The following TDRD10 variants were observed in gnomAD, a reference collection of about 807,000 sequenced individuals.
TDRD10 encodes the protein tudor domain-containing protein 10.
In TDRD10, 40 loss-of-function variants were observed where a neutral mutation model predicts 48.0. The ratio of observed to expected loss-of-function variants is 0.83; its 90% CI spans 0.65 to 1.09. The LOEUF is 1.09. Among genes scored for constraint, TDRD10 ranks in the 50% least tolerant of loss-of-function variants. TDRD10 has a pLI of 0.00. For missense variants in TDRD10, 378 were observed against 434.7 expected (o/e 0.87, Z 1.16); for synonymous variants, 162 against 170.4 (o/e 0.95, Z 0.38).
chr1:154,511,032 C>T (rs184419947), intron 4 of TDRD10, among the ~76,000 whole-genome samples: 138 of 150,852 alleles, frequency 9.1e-4, no homozygotes, highest in Non-Finnish European at 1.7e-3. Flanking sequence ...GGAGATAGAG[C>T]GAGACCCTGT....
At chr1:154,510,485 G>C (rs1377735992) in intron 4 of TDRD10, among the ~76,000 whole-genome samples, 1 of 151,884 alleles carries the variant, frequency 6.6e-6, no homozygotes, top group Non-Finnish European at 1.5e-5. Context: ...CCAGCTACTC[G>C]GGAGGCTGAG....
chr1:154,514,781 G>A (rs372235651), intron 4 of TDRD10, among the ~76,000 whole-genome samples: 2 of 151,978 alleles, frequency 1.3e-5, no homozygotes, highest in Admixed American at 6.6e-5. Flanking sequence ...TCGACCTCCC[G>A]GGCCCAAGCA....
intron 3 of TDRD10, among the ~76,000 whole-genome samples, chr1:154,507,704 T>C (rs1693224755): frequency 6.6e-6 from 1 of 152,336 alleles, no homozygotes; most frequent in Admixed American, 6.5e-5. Context: ...ACTGCTGTGG[T>C]ACAGCCTTTC....
intron 6 of TDRD10, among the ~76,000 whole-genome samples, chr1:154,538,808 G>A (rs952605731): frequency 6.6e-6 from 1 of 151,812 alleles, no homozygotes; most frequent in East Asian, 1.9e-4. Context: ...AGCCTAGATT[G>A]CATCACTGCA....
intron 4 of TDRD10, among the ~76,000 whole-genome samples, chr1:154,514,190 A>AAAAAT (rs934358994): frequency 2.6e-5 from 4 of 152,212 alleles, no homozygotes; most frequent in Non-Finnish European, 5.9e-5. Flanking sequence ...ACTCTGTCTC[A>AAAAAT]AAAATAAAAT....
intron 3 of TDRD10, among the ~76,000 whole-genome samples, chr1:154,507,536 C>T (rs1693213983): frequency 7.0e-6 from 1 of 143,120 alleles, no homozygotes; most frequent in East Asian, 2.0e-4. Context: ...CTGGTGCACC[C>T]GCTGCTCCTA....
At chr1:154,523,634 C>T (rs1694168646) in intron 6 of TDRD10, among the ~76,000 whole-genome samples, 1 of 152,140 alleles carries the variant, frequency 6.6e-6, no homozygotes, top group African/African-American at 2.4e-5. Flanking sequence ...TCTCTTTGTT[C>T]TCTCATTTCC....
rs138741336 is a variant in TDRD10 at position 154,518,754 on chromosome 1, G to A, written c.142-1550G>A. On this transcript the variant is annotated intron_variant, in intron 4 of 12. Transcript: ENST00000368482. ...CCACATAGTAAGTACTTCATGCGTT[G>A]AAGGCCACTGTAGCCTGAAAGCAGC... Among the ~76,000 whole-genome samples, 346 of 152,298 alleles carry A rather than the reference G, an allele frequency of 2.3e-3. 1 individual carries two copies. The highest frequency in any genetic ancestry group is 4.0e-3 in the Admixed American group (61 of 15,298).
chr1:154,503,018 C>T lies in TDRD10; in HGVS notation c.-39C>T, dbSNP rs1692885265. 2.0e-5 allele frequency: 3 copies of T among 152,232 alleles called. No homozygotes were observed. The highest frequency in any genetic ancestry group is 4.4e-5 in the Non-Finnish European group (3 of 68,054). The allele number at this position is 152,232 out of a possible 1,614,324, so 9.4% of individuals were successfully genotyped here. A position where few individuals can be genotyped will look rare whatever the true frequency, so the allele number is the denominator to read the frequency against. On this transcript the variant is annotated 5_prime_UTR_variant, in exon 1 of 13. Transcript: ENST00000368482. The stretch of plus-strand genomic sequence containing the variant: ...GCGATCGCAGGTGCACGCGCGTGGC[C>T]CGCGAGACGAGGTATGGCTTGTCGG...
intron 9 of TDRD10, 121 bp downstream of exon 9, chr1:154,544,231 G>A (rs1695421377): frequency 6.4e-7 from 1 of 1,553,884 alleles, no homozygotes; most frequent in African/African-American, 1.4e-5. Context: ...TCTGATCCTG[G>A]GTTCAGTCTC....
At chr1:154,504,519 A>G (rs1325674977) in intron 1 of TDRD10, among the ~76,000 whole-genome samples, 9 of 152,186 alleles carry the variant, frequency 5.9e-5, no homozygotes, top group Admixed American at 5.9e-4. Flanking sequence ...TCATGTCCTC[A>G]ATACTTGTTA....
In TDRD10 at chr1:154,502,938, C is replaced by A. The variant is rs1274784131; in HGVS notation, c.-119C>A. 1 of 152,526 alleles carries A rather than the reference C, an allele frequency of 6.6e-6. No individual in the cohort carries two copies. The highest frequency in any genetic ancestry group is 1.9e-4 in the East Asian group (1 of 5,162). 9.4% of individuals were successfully genotyped at this position (152,526 alleles called of 1,614,324 possible). ...GCTGCCGGCAAGCCCCGCCCCGTGCCCCCGGGCTCAGAGGGGGCGGAGCGC... is the reference window on the plus strand; with the variant it reads ...GCTGCCGGCAAGCCCCGCCCCGTGCACCCGGGCTCAGAGGGGGCGGAGCGC... On this transcript the variant is annotated 5_prime_UTR_variant, in exon 1 of 13. Coordinates refer to ENST00000368482, the MANE Select transcript of TDRD10 (RefSeq NM_182499.4).
At chr1:154,544,156 G>T in intron 9 of TDRD10, 46 bp downstream of exon 9, 1 of 1,612,854 alleles carries the variant, frequency 6.2e-7, no homozygotes, top group South Asian at 1.1e-5. Flanking sequence ...GCCTTCCTGC[G>T]TGGCCTCCCT....
Position 154,544,483 on chromosome 1 carries a change from T to C in TDRD10, c.763T>C (p.Tyr255His). 1 of 1,613,786 alleles carries C rather than the reference T, an allele frequency of 6.2e-7. No individual in the cohort carries two copies. The highest frequency in any genetic ancestry group is 1.7e-5 in the Admixed American group (1 of 59,982). ...GCGCGGGACTCGCTGTCTGGCAGAG[T>C]ACCACCTGGGGGATTATGGACACGC... ...VMRGTRCLAE[Y>H]HLGDYGHAWN... Residue 255 changes from tyrosine (Y) to histidine (H), a missense_variant, in exon 10 of 13, where the codon TAC becomes CAC. By Grantham distance (83) the Tyr-to-His change is moderately conservative (BLOSUM62 2). Around this residue, in one of 2 missense-constraint regions of TDRD10, gnomAD observed 310 missense variants for 323.6 expected, o/e 0.96. Coordinates refer to ENST00000368482, the MANE Select transcript of TDRD10 (RefSeq NM_182499.4).
chr1:154,513,456 C>G (rs1693588825), intron 4 of TDRD10, among the ~76,000 whole-genome samples: 1 of 152,114 alleles, frequency 6.6e-6, no homozygotes. Flanking sequence ...AGAAAATGAC[C>G]ATTGTGCAAA....
rs1261794367 is a variant in TDRD10 at position 154,503,011 on chromosome 1, G to T, written c.-46G>T. ...GGGCGTCGCGATCGCAGGTGCACGC[G>T]CGTGGCCCGCGAGACGAGGTATGGC... On this transcript the variant is annotated 5_prime_UTR_variant, in exon 1 of 13. Transcript: ENST00000368482. 1 of 152,232 alleles carries T rather than the reference G, an allele frequency of 6.6e-6. No individual in the cohort carries two copies. The highest frequency in any genetic ancestry group is 2.4e-5 in the African/African-American group (1 of 41,450). The allele number at this position is 152,232 out of a possible 1,614,324, so 9.4% of individuals were successfully genotyped here. A position where few individuals can be genotyped will look rare whatever the true frequency, so the allele number is the denominator to read the frequency against.
chr1:154,525,662 G>A (rs1302156230), intron 6 of TDRD10, among the ~76,000 whole-genome samples: 2 of 152,194 alleles, frequency 1.3e-5, no homozygotes, highest in South Asian at 2.1e-4. Context: ...AGAAGGCCAA[G>A]GTGGGCAGAT....
Position 154,544,219 on chromosome 1 carries a change from G to A in TDRD10, c.651+109G>A, listed in dbSNP as rs552731140. 7.7e-6 allele frequency: 12 copies of A among 1,566,994 alleles called. No individual in the cohort carries two copies. In the Admixed American group the frequency reaches 9.4e-5, roughly 12 times the overall value. On this transcript the variant is annotated intron_variant, in intron 9 of 12. Coordinates refer to ENST00000368482, the MANE Select transcript of TDRD10 (RefSeq NM_182499.4). ...AGTGGTGGAGATGCAGGGTAACTAC[G>A]GTCTGATCCTGGGTTCAGTCTCGTT... is the stretch of plus-strand genomic sequence containing the variant.
rs1253943968 is a variant in TDRD10 at position 154,542,907 on chromosome 1, T to C, written c.503+86T>C. 6 of 1,132,832 alleles carry C rather than the reference T, an allele frequency of 5.3e-6. No homozygotes were observed. In the Admixed American group the frequency reaches 1.3e-4, roughly 24 times the overall value. 70.2% of individuals were successfully genotyped at this position (1,132,832 alleles called of 1,614,324 possible). On this transcript the variant is annotated intron_variant, in intron 8 of 12. Coordinates refer to ENST00000368482, the MANE Select transcript of TDRD10 (RefSeq NM_182499.4). ...CAGAGAGTGGGGACAAGGATAGTACTGGGGTGGGGGATAGTTTTCGGGAAC... is the reference window on the plus strand; with the variant it reads ...CAGAGAGTGGGGACAAGGATAGTACCGGGGTGGGGGATAGTTTTCGGGAAC...
Sources: gnomAD v4.1 joint callset for allele counts (sites outside exome capture counted in the v4.1 genomes callset) on GRCh38, gnomAD v4.1.1 for gene constraint, gnomAD v4.1.1 regional missense constraint, MANE v1.5 for transcripts, NCBI Gene and HGNC (gene_info 2026-07-23, HGNC 2026-07-21) for gene names.